CHN2: variants seen among roughly 807,000 people sequenced by gnomAD.
CHN2 encodes the protein beta-chimaerin.
Under a neutral mutation model 56.3 loss-of-function variants are expected in CHN2, and 35 were observed. That is an observed-to-expected ratio of 0.62 (90% CI 0.47 to 0.82). CHN2 has a LOEUF of 0.82. Ranked by LOEUF, CHN2 falls within the 40% of genes least tolerant of loss-of-function variation. The probability of loss-of-function intolerance (pLI) is 0.00; values close to 1 mark genes in which losing one functional copy is unlikely to be tolerated. For synonymous variants in CHN2, 210 were observed against 212.8 expected (o/e 0.99, Z 0.12); for missense variants, 491 against 580.5 (o/e 0.85, Z 1.58).
At chr7:29,425,885 A>G (rs751287721) in intron 6 of CHN2, among the ~76,000 whole-genome samples, 41 of 151,962 alleles carry the variant, frequency 2.7e-4, no homozygotes, top group Non-Finnish European at 5.4e-4. Context: ...GTGGTATTTA[A>G]CTCTTGGGAC....
At chr7:29,161,664 C>T (rs978484410) in intron 2 of CHN2, among the ~76,000 whole-genome samples, 2 of 152,078 alleles carry the variant, frequency 1.3e-5, no homozygotes, top group South Asian at 4.2e-4. Flanking sequence ...TAATTTAAAT[C>T]CATTTGAATT....
chr7:29,208,306 C>T (rs1016474467), intron 1 of CHN2, among the ~76,000 whole-genome samples: 1 of 152,146 alleles, frequency 6.6e-6, no homozygotes, highest in African/African-American at 2.4e-5. Context: ...TCCCATAGGA[C>T]ACCTGAGACA....
chr7:29,206,380 C>A (rs983843083), intron 1 of CHN2, among the ~76,000 whole-genome samples: 3 of 152,152 alleles, frequency 2.0e-5, no homozygotes, highest in Non-Finnish European at 4.4e-5. Context: ...TTCCTGGGTT[C>A]AAGGATTTCT....
intron 6 of CHN2, among the ~76,000 whole-genome samples, chr7:29,430,475 CA>C (rs1486610043): frequency 6.6e-6 from 1 of 152,068 alleles, no homozygotes; most frequent in Admixed American, 6.5e-5. Context: ...TTATGGACAG[CA>C]AAAAGAAAGT....
chr7:29,184,199 A>AGAT (rs397934898), intron 2 of CHN2, among the ~76,000 whole-genome samples: 2 of 149,122 alleles, frequency 1.3e-5, no homozygotes, highest in Non-Finnish European at 3.0e-5. Context: ...ATAGATAGAT[A>AGAT]AAAGAGATAT....
intron 6 of CHN2, among the ~76,000 whole-genome samples, chr7:29,461,334 T>A (rs979629221): frequency 1.3e-5 from 2 of 151,956 alleles, no homozygotes; most frequent in Non-Finnish European, 2.9e-5. Context: ...CAGGGGAGGA[T>A]GGAGGGGTGA....
At chr7:29,191,697 A>C (rs933767810), upstream of CHN2, 1 of 152,274 alleles carries the variant, frequency 6.6e-6, no homozygotes, top group Admixed American at 6.5e-5. Context: ...TTAAAATTCT[A>C]CTTTCCAAAC....
At chr7:29,147,862 A>G (rs1584414112) in intron 2 of CHN2, among the ~76,000 whole-genome samples, 1 of 152,352 alleles carries the variant, frequency 6.6e-6, no homozygotes, top group East Asian at 1.9e-4. Flanking sequence ...CTTCCTACCT[A>G]GACAAATATA....
chr7:29,311,100 C>T (rs898685199), intron 1 of CHN2, among the ~76,000 whole-genome samples: 4 of 152,150 alleles, frequency 2.6e-5, no homozygotes, highest in Admixed American at 6.5e-5. Flanking sequence ...AATAAGTCTC[C>T]GAGCCTTGTA....
Position 29,500,025 on chromosome 7 carries a change from G to A in CHN2, c.898G>A (p.Glu300Lys). ...CATGGTGGTAGACATATGCATTCGG[G>A]AAATTGAAGCAAGAGGTTTGGAAAA... ...RPMVVDICIR[E>K]IEARGLKSEG... is the part of the protein sequence containing the mutation. The change falls in exon 9 of 13, where the codon GAA becomes AAA. Residue 300 changes from glutamate (E) to lysine (K), a missense_variant. Transcript: ENST00000222792. 1 of 1,545,376 alleles carries A rather than the reference G, an allele frequency of 6.5e-7. No individual in the cohort carries two copies. The highest frequency in any genetic ancestry group is 1.7e-4 in the Middle Eastern group (1 of 5,760).
intron 8 of CHN2, among the ~76,000 whole-genome samples, chr7:29,499,366 G>A (rs902363905): frequency 4.6e-5 from 7 of 152,164 alleles, no homozygotes; most frequent in Non-Finnish European, 7.3e-5. Flanking sequence ...TTCCAGGAAA[G>A]GGGAAGAGGA....
intron 1 of CHN2, among the ~76,000 whole-genome samples, chr7:29,271,064 A>T (rs539484617): frequency 6.6e-6 from 1 of 152,270 alleles, no homozygotes; most frequent in African/African-American, 2.4e-5. Flanking sequence ...AGTTCCCAGG[A>T]TTCAAAACTC....
chr7:29,396,222 C>T (rs966014661), intron 4 of CHN2, among the ~76,000 whole-genome samples: 5 of 152,120 alleles, frequency 3.3e-5, no homozygotes, highest in Admixed American at 6.5e-5. Context: ...GCGGGTTGAT[C>T]GCCTGAGTTC....
At chr7:29,433,852 AGG>A in intron 6 of CHN2, among the ~76,000 whole-genome samples, 1 of 149,830 alleles carries the variant, frequency 6.7e-6, no homozygotes, top group African/African-American at 2.5e-5. Flanking sequence ...AAAAAAAAAA[AGG>A]AAGGAAGGGA....
intron 6 of CHN2, among the ~76,000 whole-genome samples, chr7:29,447,333 G>A (rs1455307794): frequency 6.6e-6 from 1 of 152,166 alleles, no homozygotes; most frequent in African/African-American, 2.4e-5. Context: ...CACTGCATGT[G>A]ACTCACAGCA....
rs577199268 is a variant in CHN2, at chr7:29,320,526, G to A, written c.50-34099G>A. ...TCTCTTTATGGAAAGAGAGAAACCCGAGTAAATATGAAAGAAACATCAAAA... is the reference window on the plus strand; with the variant it reads ...TCTCTTTATGGAAAGAGAGAAACCCAAGTAAATATGAAAGAAACATCAAAA... On this transcript the variant is annotated intron_variant, in intron 1 of 12. Transcript: ENST00000222792. Among the ~76,000 whole-genome samples the A allele has an allele frequency of 9.2e-5, 14 of 152,208 alleles. No individual in the cohort carries two copies. In the East Asian group the frequency reaches 1.4e-3, roughly 15 times the overall value.
intron 2 of CHN2, among the ~76,000 whole-genome samples, chr7:29,175,796 G>C (rs190746444): frequency 1.1e-4 from 16 of 152,232 alleles, no homozygotes; most frequent in African/African-American, 3.6e-4. Flanking sequence ...AGAAGGGTTA[G>C]GAAGTATTGA....
At chr7:29,468,657 T>G (rs1002534350) in intron 6 of CHN2, among the ~76,000 whole-genome samples, 1 of 152,112 alleles carries the variant, frequency 6.6e-6, no homozygotes, top group Non-Finnish European at 1.5e-5. Flanking sequence ...CTGATCCAAG[T>G]GCTCTTCTCC....
At chr7:29,202,303 A>G (rs1396629362) in intron 1 of CHN2, among the ~76,000 whole-genome samples, 1 of 152,266 alleles carries the variant, frequency 6.6e-6, no homozygotes, top group African/African-American at 2.4e-5. Context: ...AAAAGCCCAC[A>G]TCAGGGCAAA....
Sources: gnomAD v4.1 joint callset for allele counts (sites outside exome capture counted in the v4.1 genomes callset) on GRCh38, gnomAD v4.1.1 for gene constraint, MANE v1.5 for transcripts, NCBI Gene and HGNC (gene_info 2026-07-23, HGNC 2026-07-21) for gene names.